CENPP: variants seen among roughly 807,000 people sequenced by gnomAD.
The protein encoded by CENPP is centromere protein P.
CENPP carries 24 observed loss-of-function variants against 35.6 expected under a neutral mutation model. That is an observed-to-expected ratio of 0.67 (90% CI 0.49 to 0.95). The LOEUF (loss-of-function observed/expected upper bound fraction) is 0.95, where lower values mean the gene tolerates loss of function less well. Ranked by LOEUF, CENPP falls within the 40% of genes least tolerant of loss-of-function variation. The pLI is 0.00. For synonymous variants in CENPP, 120 were observed against 125.5 expected, an observed-to-expected ratio of 0.96 and a Z score of 0.29; for missense variants, 332 against 345.3, an observed-to-expected ratio of 0.96 and a Z score of 0.31.
chr9:92,594,470 G>A (rs1588303620), intron 5 of CENPP, among the ~76,000 whole-genome samples: 1 of 152,228 alleles, frequency 6.6e-6, no homozygotes, highest in East Asian at 1.9e-4. Flanking sequence ...CCTCATAAAG[G>A]TGTTATGAGG....
rs1167100625 is a variant in CENPP at position 92,614,481 on chromosome 9, T to C, written c.*1332T>C. 2 of 152,640 alleles carry C rather than the reference T, an allele frequency of 1.3e-5. No individual in the cohort carries two copies. The highest frequency in any genetic ancestry group is 4.1e-4 in the South Asian group (2 of 4,836). The allele number at this position is 152,640 out of a possible 1,614,324, so 9.5% of individuals were successfully genotyped here. A position where few individuals can be genotyped will look rare whatever the true frequency, so the allele number is the denominator to read the frequency against. ...AAAACAGTAAAAGTGTCCAGTTAGA[T>C]AAGTATCTTTTTGCACCTCTGAGAG... On this transcript the variant is annotated 3_prime_UTR_variant, in exon 8 of 8. Coordinates refer to ENST00000375587, the MANE Select transcript of CENPP (RefSeq NM_001012267.3).
chr9:92,467,844 C>T (rs1430884047), intron 5 of CENPP, among the ~76,000 whole-genome samples: 1 of 152,128 alleles, frequency 6.6e-6, no homozygotes, highest in Non-Finnish European at 1.5e-5. Flanking sequence ...AGAGGTGAAA[C>T]TACATTTTGT....
At chr9:92,583,431 G>A (rs1040894103) in intron 5 of CENPP, among the ~76,000 whole-genome samples, 3 of 152,108 alleles carry the variant, frequency 2.0e-5, no homozygotes, top group South Asian at 4.2e-4. Flanking sequence ...TTAATCTGTC[G>A]GTATGTATTG....
chr9:92,389,241 T>C (rs1341193401), intron 5 of CENPP, among the ~76,000 whole-genome samples: 4 of 152,204 alleles, frequency 2.6e-5, no homozygotes, highest in African/African-American at 9.6e-5. Flanking sequence ...CTGTAGGTCA[T>C]GCATTTTGAG....
At chr9:92,378,995 A>G (rs1842185762) in intron 4 of CENPP, among the ~76,000 whole-genome samples, 2 of 152,206 alleles carry the variant, frequency 1.3e-5, no homozygotes. Flanking sequence ...ATCAAGGTCC[A>G]CCTGCAGTTA....
Position 92,582,391 on chromosome 9 carries a change from G to T in CENPP, c.565-28923G>T, listed in dbSNP as rs976033399. On this transcript the variant is annotated intron_variant, in intron 5 of 7. Transcript: ENST00000375587. ...CAGTTTTAAAAAGCTGATAAAGAAA[G>T]CAAAAAGGAAAAAAATAATTTTAAA... Among the ~76,000 whole-genome samples the T allele has an allele frequency of 3.9e-5, 6 of 151,926 alleles. No individual in the cohort carries two copies. In the South Asian group the frequency reaches 8.3e-4, roughly 21 times the overall value.
At chr9:92,465,480 T>A (rs766152416) in intron 5 of CENPP, among the ~76,000 whole-genome samples, 6 of 152,210 alleles carry the variant, frequency 3.9e-5, no homozygotes, top group Non-Finnish European at 8.8e-5. Context: ...CTTGAAGAAA[T>A]GCCAGTAAGT....
At chr9:92,599,642 C>A (rs945311149) in intron 5 of CENPP, among the ~76,000 whole-genome samples, 1 of 152,152 alleles carries the variant, frequency 6.6e-6, no homozygotes, top group South Asian at 2.1e-4. Flanking sequence ...GTCTTGAACT[C>A]CTGACCTGAC....
intron 5 of CENPP, among the ~76,000 whole-genome samples, chr9:92,400,611 T>A (rs1369158877): frequency 6.6e-6 from 1 of 152,192 alleles, no homozygotes; most frequent in Non-Finnish European, 1.5e-5. Flanking sequence ...TGTGATAGAG[T>A]AAGAGTAAGC....
In CENPP at chr9:92,614,605, AC is replaced by A. The variant is rs1364575522; in HGVS notation, c.*1457del. On this transcript the variant is annotated 3_prime_UTR_variant, in exon 8 of 8. Coordinates refer to ENST00000375587, the MANE Select transcript of CENPP (RefSeq NM_001012267.3). ...TTCTCAAGTTATCACAAAATTTCCCACAAAAATTTACAATCAGCAAAATAGT... is the reference window on the plus strand; with the variant it reads ...TTCTCAAGTTATCACAAAATTTCCCAAAAAATTTACAATCAGCAAAATAGT... The A allele has an allele frequency of 1.3e-5, 2 of 152,608 alleles. No homozygotes were observed. Among genetic ancestry groups the A allele is most frequent in the Admixed American group, 6.5e-5 (1 of 15,278 alleles). The allele number at this position is 152,608 out of a possible 1,614,324, so 9.5% of individuals were successfully genotyped here. A position where few individuals can be genotyped will look rare whatever the true frequency, so the allele number is the denominator to read the frequency against.
intron 5 of CENPP, among the ~76,000 whole-genome samples, chr9:92,580,787 G>A (rs1274669932): frequency 2.0e-5 from 3 of 152,262 alleles, no homozygotes; most frequent in South Asian, 2.1e-4. Context: ...AGGGTTTTTT[G>A]TGTGTCTATT....
At chr9:92,583,031 C>A (rs1157395254) in intron 5 of CENPP, among the ~76,000 whole-genome samples, 1 of 152,150 alleles carries the variant, frequency 6.6e-6, no homozygotes, top group East Asian at 1.9e-4. Context: ...AGGCACATGG[C>A]AAAATGATGC....
At chr9:92,607,030 A>G (rs1206150236) in intron 5 of CENPP, among the ~76,000 whole-genome samples, 3 of 152,138 alleles carry the variant, frequency 2.0e-5, no homozygotes, top group East Asian at 3.8e-4. Flanking sequence ...AACCACCCAA[A>G]AGTCTGTTAG....
intron 5 of CENPP, among the ~76,000 whole-genome samples, chr9:92,601,461 A>C (rs1031093479): frequency 6.6e-6 from 1 of 152,186 alleles, no homozygotes; most frequent in Non-Finnish European, 1.5e-5. Flanking sequence ...GTGATGATAC[A>C]AAGTGCTCGA....
intron 5 of CENPP, among the ~76,000 whole-genome samples, chr9:92,579,166 G>A (rs962147939): frequency 7.4e-5 from 11 of 148,560 alleles, no homozygotes; most frequent in Admixed American, 2.0e-4. Flanking sequence ...CTATATCTCT[G>A]TTTTGGTACC....
Position 92,457,338 on chromosome 9 carries a change from G to A in CENPP, c.564+77479G>A, listed in dbSNP as rs1564330399. 5 of 1,613,928 alleles carry A rather than the reference G, an allele frequency of 3.1e-6. No individual in the cohort carries two copies. Among genetic ancestry groups the A allele is most frequent in the African/African-American group, 1.3e-5 (1 of 75,008 alleles). ...ACGCTCATTCTGCTCAAAACACAACGAAATGTTGCAGGTTGCATTTCCCAG... is the reference window on the plus strand; with the variant it reads ...ACGCTCATTCTGCTCAAAACACAACAAAATGTTGCAGGTTGCATTTCCCAG... On this transcript the variant is annotated intron_variant, in intron 5 of 7. Coordinates refer to ENST00000375587, the MANE Select transcript of CENPP (RefSeq NM_001012267.3).
At chr9:92,514,242 G>A (rs1483678081) in intron 5 of CENPP, among the ~76,000 whole-genome samples, 1 of 145,770 alleles carries the variant, frequency 6.9e-6, no homozygotes, top group African/African-American at 2.5e-5. Flanking sequence ...GACTACAAGT[G>A]TATACAACTG....
rs552040412 is a variant in CENPP at position 92,593,342 on chromosome 9, A to G, written c.565-17972A>G. ...GAGATACTCCATAATATCATTTTGAATGAATGAATGAGTCAGCCCAAGCTT... is the reference window on the plus strand; with the variant it reads ...GAGATACTCCATAATATCATTTTGAGTGAATGAATGAGTCAGCCCAAGCTT... On this transcript the variant is annotated intron_variant, in intron 5 of 7. Coordinates refer to ENST00000375587, the MANE Select transcript of CENPP (RefSeq NM_001012267.3). This position sits in a 1 kb window ranked among gnomAD's most constrained non-coding sequence, Gnocchi z 4.1. Among the ~76,000 whole-genome samples, 10 of 152,362 alleles carry G rather than the reference A, an allele frequency of 6.6e-5. No homozygotes were observed. Among genetic ancestry groups the G allele is most frequent in the African/African-American group, 2.4e-4 (10 of 41,588 alleles).
intron 4 of CENPP, among the ~76,000 whole-genome samples, chr9:92,355,858 T>C (rs917264504): frequency 1.3e-5 from 2 of 152,236 alleles, no homozygotes; most frequent in African/African-American, 4.8e-5. Context: ...AAACAAAATA[T>C]ACTGAAACTA....
Sources: allele counts gnomAD v4.1 joint callset (sites outside exome capture counted in the v4.1 genomes callset), GRCh38; gene constraint gnomAD v4.1.1; non-coding constraint Gnocchi (gnomAD v3.1); transcripts MANE v1.5; gene names NCBI Gene and HGNC (gene_info 2026-07-23, HGNC 2026-07-21).